The following TNFRSF8 variants were observed in gnomAD, a reference collection of about 807,000 sequenced individuals.
TNFRSF8 encodes the protein tumor necrosis factor receptor superfamily member 8.
TNFRSF8 carries 26 observed loss-of-function variants against 70.8 expected under a neutral mutation model. That is an observed-to-expected ratio of 0.37 (90% CI 0.27 to 0.51). The LOEUF (loss-of-function observed/expected upper bound fraction) is 0.51. Among genes scored for constraint, TNFRSF8 ranks in the 20% least tolerant of loss-of-function variants. The pLI is 0.94. For missense variants in TNFRSF8, 720 were observed against 807.9 expected (o/e 0.89, Z 1.32); for synonymous variants, 356 against 339.2 (o/e 1.05, Z -0.54).
intron 12 of TNFRSF8, among the ~76,000 whole-genome samples, chr1:12,127,705 T>C (rs1380203162): frequency 6.6e-6 from 1 of 152,178 alleles, no homozygotes; most frequent in Admixed American, 6.5e-5. Context: ...GTTTCAAGCC[T>C]GTTTCCATGA....
rs1188607918 is a variant in TNFRSF8 at position 12,109,702 on chromosome 1, C to G, written c.512+46C>G. The G allele has an allele frequency of 6.5e-7, 1 of 1,532,862 alleles. No individual in the cohort carries two copies. Among genetic ancestry groups the G allele is most frequent in the Non-Finnish European group, 9.0e-7 (1 of 1,108,920 alleles). The allele number at this position is 1,532,862 out of a possible 1,614,324, so 95.0% of individuals were successfully genotyped here. A position where few individuals can be genotyped will look rare whatever the true frequency, so the allele number is the denominator to read the frequency against. ...CCTCCTCTTCCCCCAAGCTGGCTTT[C>G]AGATGAGGCTGCCCCACCCCACAGG... On this transcript the variant is annotated intron_variant, in intron 5 of 14. Coordinates refer to ENST00000263932, the MANE Select transcript of TNFRSF8 (RefSeq NM_001243.5). This position sits in a 1 kb window ranked among gnomAD's most constrained non-coding sequence, Gnocchi z 4.4.
chr1:12,075,610 G>A (rs1390254778), intron 1 of TNFRSF8, among the ~76,000 whole-genome samples: 3 of 152,114 alleles, frequency 2.0e-5, no homozygotes, highest in Non-Finnish European at 4.4e-5. Flanking sequence ...CAACCTCGAT[G>A]CCATCTACCA....
rs115306316 is a variant in TNFRSF8, at chr1:12,078,646, C to G, written c.64-5818C>G. 8.0e-3 allele frequency among the ~76,000 whole-genome samples: 1,222 copies of G among 152,238 alleles called. 16 individuals are homozygous for G. The highest frequency in any genetic ancestry group is 0.012 in the Non-Finnish European group (846 of 68,018). ...AGAGCCCTGAACTACAGCACCCCCC[C>G]ACCCCAGGCAGCAGAAGCTGGCGGA... On this transcript the variant is annotated intron_variant, in intron 1 of 14. Coordinates refer to ENST00000263932, the MANE Select transcript of TNFRSF8 (RefSeq NM_001243.5).
At chr1:12,084,407 G>C in intron 1 of TNFRSF8, 57 bp from the exon 2 acceptor site, 1 of 1,500,296 alleles carries the variant, frequency 6.7e-7, no homozygotes, top group South Asian at 1.1e-5. Flanking sequence ...GGTGGGGACA[G>C]AGGGAGTATG....
In TNFRSF8 at chr1:12,135,572, C is replaced by G; in HGVS notation, c.1310-16C>G. On this transcript the variant is annotated splice_polypyrimidine_tract_variant and intron_variant, in intron 12 of 14. Coordinates refer to ENST00000263932, the MANE Select transcript of TNFRSF8 (RefSeq NM_001243.5). Reference sequence around the variant, plus strand: ...GCCAGACTCCTTGGTGAAGTTGCTGCTCTTGCTTTTTGCAGATTCCAGACC... The same window carrying G: ...GCCAGACTCCTTGGTGAAGTTGCTGGTCTTGCTTTTTGCAGATTCCAGACC... 6.2e-7 allele frequency: 1 copy of G among 1,614,064 alleles called. No homozygotes were observed. The highest frequency in any genetic ancestry group is 1.1e-5 in the South Asian group (1 of 91,064).
rs1396760631 is a variant in TNFRSF8 at position 12,109,622 on chromosome 1, T to C, written c.478T>C (p.Cys160Arg). ...GGCTTCCCCAGGGGTCAGCCCTGCC[T>C]GTGCCAGCCCAGAGAACTGCAAGGA... ...EPASPGVSPA[C>R]ASPENCKEPS... is the part of the protein sequence containing the mutation. Residue 160 changes from cysteine to arginine, a missense_variant, in exon 5 of 15, where the codon TGT (cysteine) becomes CGT (arginine). By Grantham distance (180) the Cys-to-Arg change is radical. Transcript: ENST00000263932. This position sits in a 1 kb window ranked among gnomAD's most constrained non-coding sequence, Gnocchi z 4.4. The C allele has an allele frequency of 6.2e-7, 1 of 1,613,602 alleles. No homozygotes were observed. The highest frequency in any genetic ancestry group is 1.3e-5 in the African/African-American group (1 of 74,888).
In TNFRSF8 at chr1:12,112,301, AGGGCTGTG is replaced by A. The variant is rs902851187; in HGVS notation, c.793+290_793+297del. Among the ~76,000 whole-genome samples, 1 of 152,048 alleles carries A rather than the reference AGGGCTGTG, an allele frequency of 6.6e-6. No individual in the cohort carries two copies. The highest frequency in any genetic ancestry group is 2.4e-5 in the African/African-American group (1 of 41,394). On this transcript the variant is annotated intron_variant, in intron 7 of 14. Coordinates refer to ENST00000263932, the MANE Select transcript of TNFRSF8 (RefSeq NM_001243.5). This position sits in a 1 kb window ranked among gnomAD's most constrained non-coding sequence, Gnocchi z 5.3. ...GCTTTGGGAAGTCAGGGAACTTCCAAGGGCTGTGGGCTGGAGTTTGAACCCAGACAGGT... is the reference window on the plus strand; with the variant it reads ...GCTTTGGGAAGTCAGGGAACTTCCAAGGCTGGAGTTTGAACCCAGACAGGT...
chr1:12,066,426 T>A (rs1379702486), intron 1 of TNFRSF8, among the ~76,000 whole-genome samples: 2 of 151,626 alleles, frequency 1.3e-5, no homozygotes, highest in East Asian at 3.9e-4. Context: ...CGATCTTGGC[T>A]CACTGCAACC....
intron 1 of TNFRSF8, among the ~76,000 whole-genome samples, chr1:12,081,500 G>A (rs1053159851): frequency 2.6e-5 from 4 of 151,992 alleles, no homozygotes; most frequent in African/African-American, 9.6e-5. Flanking sequence ...CTTAAGAGAG[G>A]ACACTCTCCT....
intron 3 of TNFRSF8, among the ~76,000 whole-genome samples, chr1:12,099,294 A>C (rs2100988563): frequency 1.3e-5 from 2 of 152,016 alleles, no homozygotes; most frequent in East Asian, 3.9e-4. Flanking sequence ...ACAGGGATGC[A>C]CCACCACGCC....
At chr1:12,127,859 A>T (rs527941645) in intron 12 of TNFRSF8, among the ~76,000 whole-genome samples, 124 of 152,360 alleles carry the variant, frequency 8.1e-4, no homozygotes, top group Non-Finnish European at 1.5e-3. Context: ...AAAGAAAGAA[A>T]GAAAGAAAAC....
At position 12,066,354 on chromosome 1, in the gene TNFRSF8, A is replaced by ATTT. The variant is rs113285006; in HGVS notation, c.63+2708_63+2710dup. Among the ~76,000 whole-genome samples, 140 of 140,870 alleles carry ATTT rather than the reference A, an allele frequency of 9.9e-4. 1 individual carries two copies. The highest frequency in any genetic ancestry group is 3.5e-3 in the African/African-American group (133 of 38,098). 92.4% of individuals were successfully genotyped at this position (140,870 alleles called of 152,430 possible). ...GGGCTTGAATTTCCTTGAGTTTAAA[A>ATTT]TTTTTTTTTTTTTTTTTGAGATGAA... On this transcript the variant is annotated intron_variant, in intron 1 of 14. Transcript: ENST00000263932.
At chr1:12,073,169 G>C (rs191408624) in intron 1 of TNFRSF8, among the ~76,000 whole-genome samples, 50 of 152,346 alleles carry the variant, frequency 3.3e-4, no homozygotes, top group African/African-American at 1.2e-3. Context: ...TGAGGTGAGA[G>C]GATCACGTGA....
intron 12 of TNFRSF8, among the ~76,000 whole-genome samples, chr1:12,129,791 G>A (rs555978475): frequency 2.0e-5 from 3 of 152,172 alleles, no homozygotes; most frequent in Non-Finnish European, 2.9e-5. Context: ...ATGTCCTGCC[G>A]GGCCTCTCCA....
intron 1 of TNFRSF8, among the ~76,000 whole-genome samples, chr1:12,079,384 TC>T: frequency 6.6e-6 from 1 of 151,930 alleles, no homozygotes. Context: ...CCCCCTCCAG[TC>T]CTTGGGCTTC....
At chr1:12,067,203 G>T (rs1258575349) in intron 1 of TNFRSF8, among the ~76,000 whole-genome samples, 3 of 152,306 alleles carry the variant, frequency 2.0e-5, no homozygotes, top group Non-Finnish European at 2.9e-5. Context: ...TGGTGGGGTT[G>T]CGGGGCGGGG....
In TNFRSF8 at chr1:12,143,651, T is replaced by G. The variant is rs1217033732; in HGVS notation, c.*1120T>G. The G allele has an allele frequency of 6.6e-6, 1 of 152,154 alleles. No homozygotes were observed. Among genetic ancestry groups the G allele is most frequent in the Non-Finnish European group, 1.5e-5 (1 of 68,066 alleles). The allele number at this position is 152,154 out of a possible 1,614,324, so 9.4% of individuals were successfully genotyped here. The stretch of plus-strand genomic sequence containing the variant: ...TGGAGGTTTCATCAGGATTTTGGGT[T>G]TTTCACATTTCACGCTAAGGAGTAG... On this transcript the variant is annotated 3_prime_UTR_variant, in exon 15 of 15. Coordinates refer to ENST00000263932, the MANE Select transcript of TNFRSF8 (RefSeq NM_001243.5). This position sits in a 1 kb window ranked among gnomAD's most constrained non-coding sequence, Gnocchi z 4.1.
intron 4 of TNFRSF8, among the ~76,000 whole-genome samples, chr1:12,105,273 C>A (rs1183510000): frequency 6.6e-6 from 1 of 152,164 alleles, no homozygotes; most frequent in African/African-American, 2.4e-5. Context: ...GTCCCTCCCC[C>A]AACCAGGTCC....
At chr1:12,077,105 C>T (rs199845938) in intron 1 of TNFRSF8, among the ~76,000 whole-genome samples, 3 of 152,130 alleles carry the variant, frequency 2.0e-5, no homozygotes, top group Admixed American at 6.6e-5. Flanking sequence ...TTTGTAGAGA[C>T]GGGTTTTTCT....
Sources: gnomAD v4.1 joint callset for allele counts (sites outside exome capture counted in the v4.1 genomes callset) on GRCh38, gnomAD v4.1.1 for gene constraint, Gnocchi (gnomAD v3.1) non-coding constraint, MANE v1.5 for transcripts, NCBI Gene and HGNC (gene_info 2026-07-23, HGNC 2026-07-21) for gene names.